Variants in OR1J2 observed in about 807,000 individuals in gnomAD.
OR1J2 encodes olfactory receptor family 1 subfamily J member 2.
For missense variants in OR1J2, 304 were observed against 246.1 expected (o/e 1.24, Z -1.57); for synonymous variants, 142 against 99.7 (o/e 1.42, Z -2.52).
chr9:122,462,159 CATT>C, the OR1J2 span, among the ~76,000 whole-genome samples: 5 of 152,136 alleles, frequency 3.3e-5, no homozygotes, highest in Non-Finnish European at 7.4e-5. Flanking sequence ...GTCCTTTTAT[CATT>C]ATATAATGTC....
chr9:122,470,803 G>T, the OR1J2 span, among the ~76,000 whole-genome samples: 5 of 152,202 alleles, frequency 3.3e-5, no homozygotes, highest in Admixed American at 3.3e-4. Flanking sequence ...TGTGAGACCT[G>T]GAGTCAAAGG....
the OR1J2 span, among the ~76,000 whole-genome samples, chr9:122,533,895 G>C: frequency 0.25 from 37,526 of 152,044 alleles, 4,865 homozygotes; most frequent in South Asian, 0.39. Context: ...CAGCGTCAGT[G>C]TTCAGCCGCT....
chr9:122,575,352 G>A, the OR1J2 span, among the ~76,000 whole-genome samples: 6 of 152,128 alleles, frequency 3.9e-5, no homozygotes, highest in African/African-American at 1.4e-4. Context: ...ATTAATTATT[G>A]AGTCAATTTC....
At chr9:122,477,323 C>T in the OR1J2 span, 11 of 1,614,012 alleles carry the variant, frequency 6.8e-6, no homozygotes, top group South Asian at 1.1e-5. Flanking sequence ...GTCAATGCTG[C>T]TGTAAAGATT....
the OR1J2 span, among the ~76,000 whole-genome samples, chr9:122,573,646 CT>C: frequency 1.3e-5 from 2 of 152,096 alleles, no homozygotes; most frequent in Non-Finnish European, 2.9e-5. Flanking sequence ...AATTACAGTC[CT>C]TTATCAGATA....
At chr9:122,567,587 C>T in the OR1J2 span, 6 of 1,605,834 alleles carry the variant, frequency 3.7e-6, no homozygotes, top group African/African-American at 4.0e-5. Context: ...GGCCCTGTTT[C>T]AGGTCTTTGT....
At chr9:122,530,907 G>A in the OR1J2 span, among the ~76,000 whole-genome samples, 1 of 152,158 alleles carries the variant, frequency 6.6e-6, no homozygotes, top group Non-Finnish European at 1.5e-5. Context: ...CTTCTTTTGT[G>A]GTGGAATATC....
downstream of OR1J2, among the ~76,000 whole-genome samples, chr9:122,515,700 G>A (rs887098320): frequency 1.5e-4 from 23 of 152,062 alleles, no homozygotes; most frequent in Non-Finnish European, 2.8e-4. Context: ...CTTCCCTTTA[G>A]ACAGCACAGC....
the OR1J2 span, among the ~76,000 whole-genome samples, chr9:122,516,983 A>T: frequency 0.065 from 9,961 of 152,234 alleles, 412 homozygotes; most frequent in South Asian, 0.18. Flanking sequence ...GAAATAAAGG[A>T]GACTCAGGAA....
chr9:122,556,576 T>A, the OR1J2 span, among the ~76,000 whole-genome samples: 1 of 152,086 alleles, frequency 6.6e-6, no homozygotes, highest in Admixed American at 6.6e-5. Context: ...ATGCGGGGCT[T>A]AAAGCCTAGA....
At chr9:122,575,249 AT>A in the OR1J2 span, among the ~76,000 whole-genome samples, 1 of 152,062 alleles carries the variant, frequency 6.6e-6, no homozygotes, top group African/African-American at 2.4e-5. Context: ...TCTGGAAGAG[AT>A]TGTAGATAAT....
chr9:122,560,614 G>A, the OR1J2 span, among the ~76,000 whole-genome samples: 1 of 152,106 alleles, frequency 6.6e-6, no homozygotes, highest in Non-Finnish European at 1.5e-5. Context: ...ATGAAATTCT[G>A]CGTTGAAAAT....
the OR1J2 span, among the ~76,000 whole-genome samples, chr9:122,464,044 G>C: frequency 2.6e-5 from 4 of 152,204 alleles, no homozygotes; most frequent in African/African-American, 9.6e-5. Flanking sequence ...AGGTCAGCTA[G>C]AGAAAGACCA....
the OR1J2 span, among the ~76,000 whole-genome samples, chr9:122,453,853 G>A: frequency 6.6e-6 from 1 of 152,238 alleles, no homozygotes; most frequent in Non-Finnish European, 1.5e-5. Flanking sequence ...TTTAACAATG[G>A]AGTGTCATCT....
At chr9:122,520,056 A>C in the OR1J2 span, 1 of 1,612,774 alleles carries the variant, frequency 6.2e-7, no homozygotes, top group Non-Finnish European at 8.5e-7. Context: ...GAGACTCTTC[A>C]ACAGGGCAAC....
chr9:122,480,165 A>T, the OR1J2 span, among the ~76,000 whole-genome samples: 11 of 152,216 alleles, frequency 7.2e-5, no homozygotes, highest in South Asian at 6.2e-4. Context: ...CAAATAATAA[A>T]TATTTGCAAG....
chr9:122,533,550 G>T, the OR1J2 span, among the ~76,000 whole-genome samples: 1 of 152,066 alleles, frequency 6.6e-6, no homozygotes, highest in Non-Finnish European at 1.5e-5. Flanking sequence ...CGGCAATGAG[G>T]TGTGGCTGTA....
the OR1J2 span, among the ~76,000 whole-genome samples, chr9:122,532,675 T>C: frequency 0.14 from 21,426 of 151,192 alleles, 1,756 homozygotes; most frequent in East Asian, 0.26. Flanking sequence ...GAGTTGAGCA[T>C]AGTTTGTGAT....
chr9:122,482,906 T>A, the OR1J2 span, among the ~76,000 whole-genome samples: 1 of 152,130 alleles, frequency 6.6e-6, no homozygotes, highest in South Asian at 2.1e-4. Context: ...AGCTACAAAG[T>A]TACAGTTAGA....
Sources: gnomAD v4.1 joint callset for allele counts (sites outside exome capture counted in the v4.1 genomes callset) on GRCh38, gnomAD v4.1.1 for gene constraint, MANE v1.5 for transcripts, NCBI Gene and HGNC (gene_info 2026-07-23, HGNC 2026-07-21) for gene names.